Variants in UBE2E2 observed in about 807,000 individuals in gnomAD.
UBE2E2 encodes the protein ubiquitin conjugating enzyme E2 E2, also known as ubiquitin-conjugating enzyme E2 E2.
In UBE2E2, 6 loss-of-function variants were observed where a neutral mutation model predicts 24.7. That is an observed-to-expected ratio of 0.24 (90% CI 0.13 to 0.48). UBE2E2 has a LOEUF of 0.48. UBE2E2 is among the 20% of genes least tolerant of loss of function. The probability of loss-of-function intolerance (pLI) is 0.99; values close to 1 mark genes in which losing one functional copy is unlikely to be tolerated. For missense variants in UBE2E2, 169 were observed against 245.0 expected (o/e 0.69, Z 2.07); for synonymous variants, 104 against 83.6 (o/e 1.24, Z -1.33).
At chr3:23,404,561 G>A (rs1697312451) in intron 3 of UBE2E2, among the ~76,000 whole-genome samples, 1 of 152,112 alleles carries the variant, frequency 6.6e-6, no homozygotes, top group Non-Finnish European at 1.5e-5. Flanking sequence ...TAGGAATGTA[G>A]CATTTGGAAT....
Position 23,411,082 on chromosome 3 carries a change from A to G in UBE2E2, c.228-88526A>G, listed in dbSNP as rs145621623. ...AATGTGCTCTGGAAGATCAGGTGCAAATATTTCACATCACAGAACAAAAAC... is the reference window on the plus strand; with the variant it reads ...AATGTGCTCTGGAAGATCAGGTGCAGATATTTCACATCACAGAACAAAAAC... On this transcript the variant is annotated intron_variant, in intron 3 of 5. Coordinates refer to ENST00000396703, the MANE Select transcript of UBE2E2 (RefSeq NM_152653.4). 1.9e-4 allele frequency among the ~76,000 whole-genome samples: 29 copies of G among 152,296 alleles called. No homozygotes were observed. In the East Asian group the frequency reaches 5.6e-3, roughly 29 times the overall value.
At chr3:23,503,613 G>A (rs1483059302) in intron 4 of UBE2E2, among the ~76,000 whole-genome samples, 1 of 151,954 alleles carries the variant, frequency 6.6e-6, no homozygotes, top group Admixed American at 6.6e-5. Context: ...CAGCACTTTG[G>A]GAGGCTGAGA....
intron 4 of UBE2E2, among the ~76,000 whole-genome samples, chr3:23,524,847 G>C (rs1471454980): frequency 7.5e-6 from 1 of 133,768 alleles, no homozygotes; most frequent in African/African-American, 3.0e-5. Context: ...GGGAGATACA[G>C]ATACACACAG....
At chr3:23,411,220 C>T (rs1363471381) in intron 3 of UBE2E2, among the ~76,000 whole-genome samples, 2 of 152,180 alleles carry the variant, frequency 1.3e-5, no homozygotes, top group African/African-American at 2.4e-5. Flanking sequence ...TGCTCCTGAA[C>T]TGTTGATAAA....
In UBE2E2 at chr3:23,265,777, G is replaced by C. The variant is rs1325334796; in HGVS notation, c.227+48465G>C. Among the ~76,000 whole-genome samples, 5 of 152,308 alleles carry C rather than the reference G, an allele frequency of 3.3e-5. No individual in the cohort carries two copies. The East Asian group carries it at 9.6e-4, about 29-fold the overall frequency. On this transcript the variant is annotated intron_variant, in intron 3 of 5. Transcript: ENST00000396703. ...AGTCTCCCATTGTTATTGTGTGGGAGTCTAAGTCTCTTTGTAGGTCTCTAA... is the reference window on the plus strand; with the variant it reads ...AGTCTCCCATTGTTATTGTGTGGGACTCTAAGTCTCTTTGTAGGTCTCTAA...
intron 5 of UBE2E2, among the ~76,000 whole-genome samples, chr3:23,577,108 G>C (rs1199543432): frequency 6.6e-6 from 1 of 151,856 alleles, no homozygotes; most frequent in Non-Finnish European, 1.5e-5. Flanking sequence ...TATTGTAATT[G>C]ATTTGTAATG....
chr3:23,301,777 G>A (rs1316124063), intron 3 of UBE2E2, among the ~76,000 whole-genome samples: 2 of 152,164 alleles, frequency 1.3e-5, no homozygotes, highest in Admixed American at 6.5e-5. Context: ...ATCTCCAGCT[G>A]CGTGCTGGGA....
chr3:23,536,536 T>C (rs1011812300), intron 5 of UBE2E2, among the ~76,000 whole-genome samples: 3 of 152,344 alleles, frequency 2.0e-5, no homozygotes, highest in Non-Finnish European at 2.9e-5. Flanking sequence ...CCCCCAAATA[T>C]GTATGACTCT....
chr3:23,441,718 G>A (rs1698310038), intron 3 of UBE2E2, among the ~76,000 whole-genome samples: 1 of 152,238 alleles, frequency 6.6e-6, no homozygotes, highest in African/African-American at 2.4e-5. Flanking sequence ...TTAAGTTATA[G>A]CGTATTCAGT....
At position 23,387,570 on chromosome 3, in the gene UBE2E2, T is replaced by A. The variant is rs560564152; in HGVS notation, c.228-112038T>A. On this transcript the variant is annotated intron_variant, in intron 3 of 5. Coordinates refer to ENST00000396703, the MANE Select transcript of UBE2E2 (RefSeq NM_152653.4). ...AGATCATGATGAGGCCCCAAAATAG[T>A]CTGGCAATTTTGTATAAAATTAGTC... 2.6e-5 allele frequency among the ~76,000 whole-genome samples: 4 copies of A among 152,294 alleles called. No individual in the cohort carries two copies. The South Asian group carries it at 8.3e-4, about 32-fold the overall frequency.
At chr3:23,204,075 C>T (rs1051617561) in intron 1 of UBE2E2, among the ~76,000 whole-genome samples, 2 of 152,028 alleles carry the variant, frequency 1.3e-5, no homozygotes, top group African/African-American at 4.8e-5. Flanking sequence ...TTTCTCTGGT[C>T]TCTTCTCTGC....
chr3:23,348,810 G>A (rs1353322), intron 3 of UBE2E2, among the ~76,000 whole-genome samples: 82,893 of 151,942 alleles, frequency 0.55, 22,844 homozygotes, highest in Admixed American at 0.66. Context: ...CTCTGGGTAT[G>A]GCCTGCAAAA....
At chr3:23,482,314 G>A (rs1283665219) in intron 3 of UBE2E2, among the ~76,000 whole-genome samples, 1 of 152,170 alleles carries the variant, frequency 6.6e-6, no homozygotes, top group Non-Finnish European at 1.5e-5. Flanking sequence ...AAGGGAAGTA[G>A]AGTTTATGAA....
intron 3 of UBE2E2, among the ~76,000 whole-genome samples, chr3:23,341,883 A>C (rs1182929391): frequency 6.6e-6 from 1 of 152,224 alleles, no homozygotes; most frequent in Non-Finnish European, 1.5e-5. Flanking sequence ...GATGTAAACA[A>C]TTATGACAAA....
intron 3 of UBE2E2, among the ~76,000 whole-genome samples, chr3:23,419,060 C>T (rs1226157148): frequency 1.3e-5 from 2 of 151,548 alleles, no homozygotes; most frequent in Non-Finnish European, 2.9e-5. Flanking sequence ...CCCAAGGGAA[C>T]CTCCTGCTTC....
At chr3:23,378,572 A>G (rs1696582638) in intron 3 of UBE2E2, among the ~76,000 whole-genome samples, 1 of 152,222 alleles carries the variant, frequency 6.6e-6, no homozygotes, top group Non-Finnish European at 1.5e-5. Context: ...ACCTATATGT[A>G]AAATATTTAT....
intron 3 of UBE2E2, among the ~76,000 whole-genome samples, chr3:23,229,024 G>A (rs1696902450): frequency 5.3e-5 from 8 of 152,020 alleles, no homozygotes; most frequent in Admixed American, 5.3e-4. Context: ...CCAACATTCC[G>A]CTACCATCAC....
chr3:23,299,639 G>C (rs1323276573), intron 3 of UBE2E2, among the ~76,000 whole-genome samples: 3 of 152,220 alleles, frequency 2.0e-5, no homozygotes, highest in Non-Finnish European at 2.9e-5. Context: ...TTGCACTGTG[G>C]TCTGAGAGGC....
In UBE2E2 at chr3:23,247,847, A is replaced by G. The variant is rs564473179; in HGVS notation, c.227+30535A>G. 6.6e-5 allele frequency among the ~76,000 whole-genome samples: 10 copies of G among 152,258 alleles called. No individual in the cohort carries two copies. In the South Asian group the frequency reaches 2.1e-3, roughly 32 times the overall value. On this transcript the variant is annotated intron_variant, in intron 3 of 5. Transcript: ENST00000396703. ...CCCTCCCCCTTTTATTAAAGAGACT[A>G]GCTTGTACAAAGTCATTTGCAAATT... is the stretch of plus-strand genomic sequence containing the variant.
Sources: allele counts gnomAD v4.1 joint callset (sites outside exome capture counted in the v4.1 genomes callset), GRCh38; gene constraint gnomAD v4.1.1; transcripts MANE v1.5; gene names NCBI Gene and HGNC (gene_info 2026-07-23, HGNC 2026-07-21).